PARP4: variants seen among roughly 807,000 people sequenced by gnomAD.
PARP4 encodes the protein protein mono-ADP-ribosyltransferase PARP4.
PARP4 carries 120 observed loss-of-function variants against 187.7 expected under a neutral mutation model. The ratio of observed to expected loss-of-function variants is 0.64; its 90% CI spans 0.55 to 0.74. PARP4 has a LOEUF of 0.74. Ranked by LOEUF, PARP4 falls within the 30% of genes least tolerant of loss-of-function variation. PARP4 has a pLI of 0.00. For synonymous variants in PARP4, 654 were observed against 740.9 expected (o/e 0.88, Z 1.90); for missense variants, 1,836 against 2,070.5 (o/e 0.89, Z 2.20).
intron 17 of PARP4, 89 bp from the exon 18 acceptor site, chr13:24,460,225 A>T: frequency 1.8e-6 from 2 of 1,102,438 alleles, no homozygotes; most frequent in Non-Finnish European, 2.6e-6. Context: ...AGCAACTTGA[A>T]TGACAACCTG....
At position 24,500,346 on chromosome 13, in the gene PARP4, G is replaced by A; in HGVS notation, c.371C>T (p.Thr124Ile). 6.2e-7 allele frequency: 1 copy of A among 1,605,108 alleles called. No individual in the cohort carries two copies. Among genetic ancestry groups the A allele is most frequent in the Non-Finnish European group, 8.5e-7 (1 of 1,174,876 alleles). The change falls in exon 4 of 34, where the codon ACA becomes ATA. Residue 124 changes from threonine (T) to isoleucine (I), a missense_variant. Physicochemically the swap from Thr to Ile is moderately conservative, Grantham distance 89. Coordinates refer to ENST00000381989, the MANE Select transcript of PARP4 (RefSeq NM_006437.4). Reference protein sequence around the residue: ...KTEGLCPDSATEEEDTVELTE... With the variant: ...KTEGLCPDSAIEEEDTVELTE... The stretch of plus-strand genomic sequence containing the variant: ...GAGTTCCACAGTGTCTTCCTCCTCT[G>A]TGGCACTGTCCGGGCATAGACCTTC...
At chr13:24,502,803 G>A (rs61946871) in intron 2 of PARP4, among the ~76,000 whole-genome samples, 1 of 152,248 alleles carries the variant, frequency 6.6e-6, no homozygotes, top group Admixed American at 6.5e-5. Flanking sequence ...AGCTGTATAA[G>A]GGAAGTATAT....
chr13:24,512,477 T>C (rs1870068478), intron 1 of PARP4, among the ~76,000 whole-genome samples: 1 of 152,244 alleles, frequency 6.6e-6, no homozygotes, highest in Non-Finnish European at 1.5e-5. Flanking sequence ...CGGTTTCTCG[T>C]CACCAGGGCT....
At position 24,446,835 on chromosome 13, in the gene PARP4, T is replaced by C. The variant is rs546880586; in HGVS notation, c.3286-74A>G. ...GTGTCTTGGTTTAACAGAAATTCTT[T>C]TGGTGATTTTCTCTCCCCTTTCAAT... On this transcript the variant is annotated intron_variant, in intron 26 of 33. Transcript: ENST00000381989. 19 of 1,372,482 alleles carry C rather than the reference T, an allele frequency of 1.4e-5. No homozygotes were observed. In the South Asian group the frequency reaches 2.4e-4, roughly 17 times the overall value. 85.0% of individuals were successfully genotyped at this position (1,372,482 alleles called of 1,614,324 possible). A position where few individuals can be genotyped will look rare whatever the true frequency, so the allele number is the denominator to read the frequency against.
chr13:24,438,852 T>C (rs1870774666), intron 30 of PARP4, among the ~76,000 whole-genome samples: 1 of 152,222 alleles, frequency 6.6e-6, no homozygotes, highest in Non-Finnish European at 1.5e-5. Context: ...CTATTGCGGC[T>C]GGCGTGTTAC....
Position 24,435,682 on chromosome 13 carries a change from C to T in PARP4, c.3667-208G>A, listed in dbSNP as rs116305526. Among the ~76,000 whole-genome samples the T allele has an allele frequency of 3.7e-3, 567 of 152,116 alleles. 7 individuals carry two copies. Among genetic ancestry groups the T allele is most frequent in the African/African-American group, 0.013 (522 of 41,512 alleles). Reference sequence around the variant, plus strand: ...GTGTCATCTCAGCACTTTGGGAGGCCGAGGAGGAAGGATCGCTCAAGGCTA... The same window carrying T: ...GTGTCATCTCAGCACTTTGGGAGGCTGAGGAGGAAGGATCGCTCAAGGCTA... On this transcript the variant is annotated intron_variant, in intron 30 of 33. Coordinates refer to ENST00000381989, the MANE Select transcript of PARP4 (RefSeq NM_006437.4).
Position 24,459,045 on chromosome 13 carries a change from T to G in PARP4, c.2423A>C (p.Lys808Thr), listed in dbSNP as rs757280681. 6.3e-7 allele frequency: 1 copy of G among 1,592,478 alleles called. No individual in the cohort carries two copies. The highest frequency in any genetic ancestry group is 1.1e-5 in the South Asian group (1 of 90,288). ...TTAAGAAATCAAAGATGCACTAACCTTTTGTTTCAGTTCATGTGTATCACT... is the reference window on the plus strand; with the variant it reads ...TTAAGAAATCAAAGATGCACTAACCGTTTGTTTCAGTTCATGTGTATCACT... ...IFSDTHELKQ[K>T]RTDCKAVIST... Residue 808 changes from lysine to threonine, a missense_variant and splice_region_variant, in exon 20 of 34, where the codon AAG becomes ACG. Lys to Thr is a moderately conservative substitution (Grantham distance 78, BLOSUM62 -1). Transcript: ENST00000381989.
At chr13:24,462,485 C>G (rs1389870191) in intron 17 of PARP4, among the ~76,000 whole-genome samples, 1 of 152,234 alleles carries the variant, frequency 6.6e-6, no homozygotes, top group Non-Finnish European at 1.5e-5. Context: ...CTCTCTTCTT[C>G]TTTTACACAC....
chr13:24,438,047 C>T (rs1297680522), intron 30 of PARP4, among the ~76,000 whole-genome samples: 1 of 152,124 alleles, frequency 6.6e-6, no homozygotes, highest in Admixed American at 6.6e-5. Context: ...TATGAGCCAC[C>T]GTGCCTGGCC....
intron 12 of PARP4, among the ~76,000 whole-genome samples, chr13:24,479,941 G>C (rs1873181515): frequency 6.6e-6 from 1 of 151,998 alleles, no homozygotes; most frequent in African/African-American, 2.4e-5. Context: ...AGCCCACCGG[G>C]AGGAACGAAC....
intron 30 of PARP4, among the ~76,000 whole-genome samples, chr13:24,441,015 G>A (rs1215593662): frequency 6.6e-6 from 1 of 152,138 alleles, no homozygotes; most frequent in African/African-American, 2.4e-5. Context: ...GGGACTACAG[G>A]CAAGCACCAC....
At chr13:24,507,088 C>A (rs1386863053) in intron 1 of PARP4, among the ~76,000 whole-genome samples, 1 of 152,188 alleles carries the variant, frequency 6.6e-6, no homozygotes, top group Non-Finnish European at 1.5e-5. Context: ...GCGGGGCCAG[C>A]GGGCTGCTCA....
chr13:24,501,655 A>G lies in PARP4; in HGVS notation c.312T>C (p.Pro104=), dbSNP rs771042982. Residue 104 remains proline (P), a synonymous_variant, in exon 3 of 34, where the codon CCT becomes CCC. Coordinates refer to ENST00000381989, the MANE Select transcript of PARP4 (RefSeq NM_006437.4). Reference sequence around the variant, plus strand: ...TACCAGAACTGCTCGCCTTCTGATCAGGAGGTGGTGTGATGTCCAGGGGCT... The same window carrying G: ...TACCAGAACTGCTCGCCTTCTGATCGGGAGGTGGTGTGATGTCCAGGGGCT... ...PYKPLDITPP[P]DQKASSSEVK... 5 of 1,613,122 alleles carry G rather than the reference A, an allele frequency of 3.1e-6. No homozygotes were observed. The highest frequency in any genetic ancestry group is 4.2e-6 in the Non-Finnish European group (5 of 1,179,128).
intron 13 of PARP4, 82 bp from the exon 14 acceptor site, chr13:24,477,939 G>A: frequency 8.6e-7 from 1 of 1,164,460 alleles, no homozygotes; most frequent in Non-Finnish European, 1.2e-6. Context: ...ATAAAAGCAT[G>A]TTTGCTAATT....
chr13:24,467,046 GTA>G (rs1872513373), intron 17 of PARP4, among the ~76,000 whole-genome samples: 1 of 152,116 alleles, frequency 6.6e-6, no homozygotes, highest in African/African-American at 2.4e-5. Context: ...AAATTCAACA[GTA>G]CGCTATCTAA....
chr13:24,452,623 C>T, intron 23 of PARP4, 30 bp from the exon 24 acceptor site: 1 of 1,576,058 alleles, frequency 6.3e-7, no homozygotes, highest in Non-Finnish European at 8.7e-7. Flanking sequence ...AGATTATGTT[C>T]TCCTTGTTGG....
Position 24,477,788 on chromosome 13 carries a change from C to A in PARP4, c.1702G>T (p.Gly568Ter). The change falls in exon 14 of 34, where the codon GGA becomes TGA. Residue 568 changes from glycine (G) to a stop codon, truncating the protein, a stop_gained. Coordinates refer to ENST00000381989, the MANE Select transcript of PARP4 (RefSeq NM_006437.4). LOFTEE classifies it high-confidence loss of function. ...MKYIIKFSMP[G>*]DQIKDFHPSD... The stretch of plus-strand genomic sequence containing the variant: ...GGATGAAAGTCCTTTATCTGATCTC[C>A]AGGCATGGAAAATTTAATAATATAT... The A allele has an allele frequency of 6.4e-7, 1 of 1,567,882 alleles. No homozygotes were observed. The highest frequency in any genetic ancestry group is 1.1e-5 in the South Asian group (1 of 86,982).
At chr13:24,464,593 A>G (rs981677740) in intron 17 of PARP4, among the ~76,000 whole-genome samples, 1 of 152,212 alleles carries the variant, frequency 6.6e-6, no homozygotes, top group Non-Finnish European at 1.5e-5. Context: ...CTGGCTAGCC[A>G]TATGCAGAAA....
At chr13:24,497,900 G>T (rs1275438253) in intron 6 of PARP4, among the ~76,000 whole-genome samples, 1 of 152,204 alleles carries the variant, frequency 6.6e-6, no homozygotes, top group Non-Finnish European at 1.5e-5. Context: ...CACTTCAGAA[G>T]AAATCAACCC....
Sources: allele counts gnomAD v4.1 joint callset (sites outside exome capture counted in the v4.1 genomes callset), GRCh38; gene constraint gnomAD v4.1.1; transcripts MANE v1.5; gene names NCBI Gene and HGNC (gene_info 2026-07-23, HGNC 2026-07-21).